FBXO25: variants seen among roughly 807,000 people sequenced by gnomAD.
FBXO25 encodes F-box protein 25.
In FBXO25, 45 loss-of-function variants were observed where a neutral mutation model predicts 51.9. That is an observed-to-expected ratio of 0.87 (90% confidence interval 0.68 to 1.11). The LOEUF is 1.11. FBXO25 is among the 50% of genes most tolerant of loss of function. FBXO25 has a pLI of 0.00. For synonymous variants in FBXO25, 199 were observed against 151.0 expected, an observed-to-expected ratio of 1.32 and a Z score of -2.33; for missense variants, 507 against 428.5, an observed-to-expected ratio of 1.18 and a Z score of -1.62.
intron 4 of FBXO25, among the ~76,000 whole-genome samples, chr8:435,284 T>G (rs1183652954): frequency 1.3e-5 from 2 of 152,164 alleles, no homozygotes; most frequent in African/African-American, 4.8e-5. Flanking sequence ...TGAATCCAGT[T>G]TTTTTATGAT....
At position 468,774 on chromosome 8, in the gene FBXO25, G is replaced by A. The variant is rs1423454606; in HGVS notation, c.1047G>A (p.Pro349=). Residue 349 remains proline, a synonymous_variant, in exon 10 of 10, where the codon CCG becomes CCA. Transcript: ENST00000350302. ...DPDSCFTPVS[P]QHFIDLFKF is the part of the protein sequence containing the mutation. ...ACAGCTGCTTCACGCCTGTGTCTCCGCAGCACTTCATCGACCTCTTCAAGT... is the reference window on the plus strand; with the variant it reads ...ACAGCTGCTTCACGCCTGTGTCTCCACAGCACTTCATCGACCTCTTCAAGT... 13 of 1,613,842 alleles carry A rather than the reference G, an allele frequency of 8.1e-6. No homozygotes were observed. Among genetic ancestry groups the A allele is most frequent in the South Asian group, 3.3e-5 (3 of 91,076 alleles).
intron 2 of FBXO25, among the ~76,000 whole-genome samples, chr8:418,477 C>G (rs1451218181): frequency 6.6e-6 from 1 of 150,840 alleles, no homozygotes; most frequent in Non-Finnish European, 1.5e-5. Flanking sequence ...GTAGCTGGGA[C>G]TACAGGCGCC....
rs1272394848 is a variant in FBXO25, at chr8:477,074, T to G, written c.*8270T>G. The G allele has an allele frequency of 1.3e-5, 2 of 152,236 alleles. No individual in the cohort carries two copies. Among genetic ancestry groups the G allele is most frequent in the Non-Finnish European group, 2.9e-5 (2 of 68,046 alleles). The allele number at this position is 152,236 out of a possible 1,614,324, so 9.4% of individuals were successfully genotyped here. A position where few individuals can be genotyped will look rare whatever the true frequency, so the allele number is the denominator to read the frequency against. ...GCTGGTTGAGAGCGTTGTTTAATTT[T>G]CACATAATTGTGTACTTTTCAGTTT... On this transcript the variant is annotated 3_prime_UTR_variant, in exon 10 of 10. Transcript: ENST00000350302.
chr8:418,409 G>A (rs536823449), intron 2 of FBXO25, among the ~76,000 whole-genome samples: 2 of 128,414 alleles, frequency 1.6e-5, no homozygotes, highest in South Asian at 2.5e-4. Context: ...GCATGATCTC[G>A]GCTCACTGCA....
intron 5 of FBXO25, among the ~76,000 whole-genome samples, chr8:447,505 T>C (rs1452397537): frequency 1.3e-5 from 2 of 152,296 alleles, no homozygotes; most frequent in East Asian, 3.9e-4. Flanking sequence ...AGGAGTTCTG[T>C]GGCAGGAGAT....
chr8:427,556 A>C (rs56115318), intron 2 of FBXO25, among the ~76,000 whole-genome samples: 2 of 132,654 alleles, frequency 1.5e-5, no homozygotes, highest in Non-Finnish European at 3.3e-5. Flanking sequence ...CCACAAACTC[A>C]GTGGCTTAAA....
intron 8 of FBXO25, 128 bp from the exon 9 acceptor site, chr8:462,879 T>G (rs1799905542): frequency 9.1e-7 from 1 of 1,103,188 alleles, no homozygotes. Context: ...AACCCACTTG[T>G]AACCCTAAAG....
chr8:408,208 A>G (rs1796280347), intron 1 of FBXO25, among the ~76,000 whole-genome samples: 1 of 152,122 alleles, frequency 6.6e-6, no homozygotes. Flanking sequence ...AGGGAAACAC[A>G]TGTGGTCTTT....
intron 2 of FBXO25, among the ~76,000 whole-genome samples, chr8:430,331 T>C (rs1269970887): frequency 6.6e-6 from 1 of 152,114 alleles, no homozygotes; most frequent in African/African-American, 2.4e-5. Context: ...AAAAGTTCAG[T>C]TGTTTGTATG....
chr8:463,079 C>A lies in FBXO25; in HGVS notation c.916C>A (p.His306Asn), dbSNP rs766478103. Residue 306 changes from histidine to asparagine, a missense_variant, in exon 9 of 10, where the codon CAT becomes AAT. His to Asn is a moderately conservative substitution (Grantham distance 68). Coordinates refer to ENST00000350302, the MANE Select transcript of FBXO25 (RefSeq NM_183420.2). ...GTTGATGTACTTTGCACTTCAGAAA[C>A]ATTACCCAGCGAAGGAGCAGTACGG... The part of the protein sequence containing the change: ...WKLMYFALQK[H>N]YPAKEQYGDT... The A allele has an allele frequency of 6.2e-7, 1 of 1,613,850 alleles. No individual in the cohort carries two copies. Among genetic ancestry groups the A allele is most frequent in the Non-Finnish European group, 8.5e-7 (1 of 1,179,996 alleles).
At chr8:445,175 G>A (rs774382001) in intron 5 of FBXO25, among the ~76,000 whole-genome samples, 5 of 152,246 alleles carry the variant, frequency 3.3e-5, no homozygotes, top group East Asian at 1.9e-4. Context: ...CCTATGCCTC[G>A]TGATGTCCAT....
rs1417257471 is a variant in FBXO25, at chr8:476,338, A to C, written c.*7534A>C. On this transcript the variant is annotated 3_prime_UTR_variant, in exon 10 of 10. Transcript: ENST00000350302. ...CTGATGTGTGGTGTTTTTTTCTTAT[A>C]GTGTCTTTGTCTGGTTTTGGTATCA... The C allele has an allele frequency of 6.9e-6, 1 of 144,998 alleles. No individual in the cohort carries two copies. The highest frequency in any genetic ancestry group is 2.7e-5 in the African/African-American group (1 of 36,916). The allele number at this position is 144,998 out of a possible 1,614,324, so 9.0% of individuals were successfully genotyped here.
intron 5 of FBXO25, among the ~76,000 whole-genome samples, chr8:446,738 C>T (rs912059891): frequency 1.1e-4 from 17 of 152,280 alleles, no homozygotes; most frequent in African/African-American, 4.1e-4. Context: ...CTGGCCAGTG[C>T]CCTCAACTGG....
Position 451,344 on chromosome 8 carries a change from T to C in FBXO25, c.551T>C (p.Ile184Thr), listed in dbSNP as rs750092416. The C allele has an allele frequency of 1.2e-6, 2 of 1,613,670 alleles. No individual in the cohort carries two copies. Among genetic ancestry groups the C allele is most frequent in the African/African-American group, 1.3e-5 (1 of 75,032 alleles). Residue 184 changes from isoleucine (I) to threonine (T), a missense_variant, in exon 7 of 10, where the codon ATT becomes ACT. Ile to Thr is a moderately conservative substitution (Grantham distance 89, BLOSUM62 -1). Coordinates refer to ENST00000350302, the MANE Select transcript of FBXO25 (RefSeq NM_183420.2). ...QDLSSTLCIL[I>T]RGVGKSVLVG... is the part of the protein sequence containing the mutation. ...CTAAGCTCTACCCTCTGCATTCTTA[T>C]TAGAGGAGTAGGGAAGTCTGTATTA... is the stretch of plus-strand genomic sequence containing the variant.
chr8:429,389 T>C lies in FBXO25; in HGVS notation c.135-1952T>C, dbSNP rs570302738. Among the ~76,000 whole-genome samples, 10 of 152,230 alleles carry C rather than the reference T, an allele frequency of 6.6e-5. 1 individual carries two copies. In the South Asian group the frequency reaches 1.9e-3, roughly 28 times the overall value. On this transcript the variant is annotated intron_variant, in intron 2 of 9. Coordinates refer to ENST00000350302, the MANE Select transcript of FBXO25 (RefSeq NM_183420.2). ...AGTTGTTTGACATTTTTTAATCAAG[T>C]TGTTGGGCAGGTTCCCTTGTTTTTA...
Position 458,382 on chromosome 8 carries a change from G to A in FBXO25, c.674G>A (p.Gly225Asp). Reference protein sequence around the residue: ...DLQMTKQVNNGLTLSDLPLHM... With the variant: ...DLQMTKQVNNDLTLSDLPLHM... Reference sequence around the variant, plus strand: ...TTTTCCTTTCAGCAAGTGAACAATGGCCTCACCCTCAGTGACCTTCCTCTG... The same window carrying A: ...TTTTCCTTTCAGCAAGTGAACAATGACCTCACCCTCAGTGACCTTCCTCTG... Residue 225 changes from glycine to aspartate, a missense_variant, in exon 8 of 10, where the codon GGC becomes GAC. By Grantham distance (94) the Gly-to-Asp change is moderately conservative (BLOSUM62 -1). Transcript: ENST00000350302. The A allele has an allele frequency of 6.2e-7, 1 of 1,613,534 alleles. No individual in the cohort carries two copies. Among genetic ancestry groups the A allele is most frequent in the Non-Finnish European group, 8.5e-7 (1 of 1,179,792 alleles).
In FBXO25 at chr8:477,405, T is replaced by TGTCA. The variant is rs1349362285; in HGVS notation, c.*8602_*8605dup. The TGTCA allele has an allele frequency of 6.6e-6, 1 of 152,276 alleles. No homozygotes were observed. Among genetic ancestry groups the TGTCA allele is most frequent in the Middle Eastern group, 3.2e-3 (1 of 316 alleles). The allele number at this position is 152,276 out of a possible 1,614,324, so 9.4% of individuals were successfully genotyped here. On this transcript the variant is annotated 3_prime_UTR_variant, in exon 10 of 10. Transcript: ENST00000350302. The stretch of plus-strand genomic sequence containing the variant: ...AACTATCCATTTCTTCCTTTGATTC[T>TGTCA]GTCAATGTTTGTTTCATATATTTTG...
chr8:450,327 A>G (rs1456848099), intron 6 of FBXO25, among the ~76,000 whole-genome samples: 2 of 152,190 alleles, frequency 1.3e-5, no homozygotes, highest in South Asian at 2.1e-4. Context: ...TAATCACACA[A>G]CTTAAAAAAG....
intron 3 of FBXO25, among the ~76,000 whole-genome samples, chr8:432,126 A>G (rs956192965): frequency 6.6e-6 from 1 of 152,220 alleles, no homozygotes; most frequent in Admixed American, 6.5e-5. Flanking sequence ...CTGCTCTTGC[A>G]CTTTGGGGCC....
Sources: gnomAD v4.1 joint callset for allele counts (sites outside exome capture counted in the v4.1 genomes callset) on GRCh38, gnomAD v4.1.1 for gene constraint, MANE v1.5 for transcripts, NCBI Gene and HGNC (gene_info 2026-07-23, HGNC 2026-07-21) for gene names.